HAVCR1: variants seen among roughly 807,000 people sequenced by gnomAD.
HAVCR1 encodes the protein T cell immunoglobin domain and mucin domain protein 1.
In HAVCR1, 34 loss-of-function variants were observed where a neutral mutation model predicts 32.0. That is an observed-to-expected ratio of 1.06 (90% CI 0.81 to 1.42). The LOEUF (loss-of-function observed/expected upper bound fraction) is 1.42, where lower values mean the gene tolerates loss of function less well. Among genes scored for constraint, HAVCR1 ranks in the 40% most tolerant of loss-of-function variants. The probability of loss-of-function intolerance (pLI) is 0.00; values close to 1 mark genes in which losing one functional copy is unlikely to be tolerated. For synonymous variants in HAVCR1, 178 were observed against 170.3 expected, an observed-to-expected ratio of 1.05 and a Z score of -0.35; for missense variants, 420 against 442.3, an observed-to-expected ratio of 0.95 and a Z score of 0.45.
intron 7 of HAVCR1, 158 bp downstream of exon 7, chr5:157,037,089 A>G: frequency 1.6e-6 from 1 of 637,090 alleles, no homozygotes; most frequent in South Asian, 1.8e-5. Flanking sequence ...TTCCCCCTTG[A>G]GGTAGATGGT....
chr5:157,058,791 A>T (rs1372974719), intron 1 of HAVCR1, 130 bp downstream of exon 1: 1 of 152,180 alleles, frequency 6.6e-6, no homozygotes, highest in Non-Finnish European at 1.5e-5. Context: ...TTAGCAAGAG[A>T]AATTGAGAGT....
chr5:157,045,350 C>T (rs1423699970), intron 5 of HAVCR1, among the ~76,000 whole-genome samples: 1 of 152,064 alleles, frequency 6.6e-6, no homozygotes, highest in African/African-American at 2.4e-5. Flanking sequence ...TAGTACACAG[C>T]CCATCAAGTT....
chr5:157,063,019 C>A (rs1756521098), upstream of HAVCR1, among the ~76,000 whole-genome samples: 2 of 151,088 alleles, frequency 1.3e-5, no homozygotes, highest in Admixed American at 1.3e-4. Flanking sequence ...ACTAGGGAGG[C>A]TGAGGCAAGA....
At chr5:157,030,738 G>T (rs910183338) in intron 8 of HAVCR1, among the ~76,000 whole-genome samples, 1 of 152,202 alleles carries the variant, frequency 6.6e-6, no homozygotes, top group Non-Finnish European at 1.5e-5. Flanking sequence ...GATGTAACTG[G>T]TTATTTTTAT....
At chr5:157,053,108 T>C (rs1233315467) in intron 3 of HAVCR1, among the ~76,000 whole-genome samples, 1 of 152,098 alleles carries the variant, frequency 6.6e-6, no homozygotes, top group Non-Finnish European at 1.5e-5. Flanking sequence ...TTGTAGAGAC[T>C]GGGCGTGGTG....
chr5:157,065,840 G>A, the HAVCR1 span, among the ~76,000 whole-genome samples: 11 of 148,352 alleles, frequency 7.4e-5, no homozygotes, highest in Non-Finnish European at 1.3e-4. Context: ...GAGTGACAGA[G>A]CAAGACTCCG....
At chr5:157,053,100 G>A (rs1471135141) in intron 3 of HAVCR1, among the ~76,000 whole-genome samples, 1 of 152,086 alleles carries the variant, frequency 6.6e-6, no homozygotes, top group African/African-American at 2.4e-5. Flanking sequence ...AACTTTTTTT[G>A]TAGAGACTGG....
chr5:157,040,008 C>T (rs573143556), intron 6 of HAVCR1, among the ~76,000 whole-genome samples: 1 of 152,250 alleles, frequency 6.6e-6, no homozygotes, highest in African/African-American at 2.4e-5. Flanking sequence ...CCAAGAATAA[C>T]CTCACCGGCC....
intron 5 of HAVCR1, among the ~76,000 whole-genome samples, chr5:157,044,932 T>C (rs1372080170): frequency 6.6e-6 from 1 of 152,104 alleles, no homozygotes; most frequent in African/African-American, 2.4e-5. Flanking sequence ...GTTATGTATG[T>C]ATGTATAGGT....
At chr5:157,041,643 C>G (rs7715467) in intron 6 of HAVCR1, among the ~76,000 whole-genome samples, 134,033 of 152,278 alleles carry the variant, frequency 0.88, 59,098 homozygotes, top group East Asian at 0.99. Context: ...TATTATGTTC[C>G]TTTCACTTAC....
chr5:157,063,132 AGAAAG>A (rs539237745), upstream of HAVCR1, among the ~76,000 whole-genome samples: 893 of 138,238 alleles, frequency 6.5e-3, 11 homozygotes, highest in Admixed American at 0.011. Context: ...AAAAAAAAAA[AGAAAG>A]AAAGAAAGAA....
chr5:157,039,050 G>A (rs1005349807), intron 6 of HAVCR1, among the ~76,000 whole-genome samples: 1 of 152,160 alleles, frequency 6.6e-6, no homozygotes, highest in Admixed American at 6.5e-5. Context: ...AGCCTGGGAG[G>A]ATGAGTCTGC....
intron 5 of HAVCR1, among the ~76,000 whole-genome samples, chr5:157,045,466 T>C (rs1561592474): frequency 6.6e-6 from 1 of 152,110 alleles, no homozygotes; most frequent in Non-Finnish European, 1.5e-5. Context: ...TACTATGCAA[T>C]GCACTTTCCA....
rs774921639 is a variant in HAVCR1 at position 157,029,594 on chromosome 5, A to T, written c.*139T>A. ...TTGGAGTGAGAGAGTTACTCTACCCAGTATCACTGACATGTTGGAATGCCA... is the reference window on the plus strand; with the variant it reads ...TTGGAGTGAGAGAGTTACTCTACCCTGTATCACTGACATGTTGGAATGCCA... On this transcript the variant is annotated 3_prime_UTR_variant, in exon 9 of 9. Coordinates refer to ENST00000523175, the MANE Select transcript of HAVCR1 (RefSeq NM_001173393.3). The T allele has an allele frequency of 2.6e-5, 40 of 1,538,942 alleles. No individual in the cohort carries two copies. In the East Asian group the frequency reaches 9.3e-4, roughly 36 times the overall value.
chr5:157,029,602 T>A lies in HAVCR1; in HGVS notation c.*131A>T. 1.3e-6 allele frequency: 2 copies of A among 1,541,874 alleles called. No homozygotes were observed. Among genetic ancestry groups the A allele is most frequent in the Middle Eastern group, 3.3e-4 (2 of 5,988 alleles). On this transcript the variant is annotated 3_prime_UTR_variant, in exon 9 of 9. Transcript: ENST00000523175. ...AGAGAGTTACTCTACCCAGTATCAC[T>A]GACATGTTGGAATGCCAGATGAAAC...
At chr5:157,043,726 AC>A (rs1488445706) in intron 5 of HAVCR1, among the ~76,000 whole-genome samples, 1 of 152,192 alleles carries the variant, frequency 6.6e-6, no homozygotes, top group Non-Finnish European at 1.5e-5. Flanking sequence ...TACAGAACTG[AC>A]TTTTTACTGA....
chr5:157,054,190 C>CAAAAAAAAAAAAAAAAAA (rs900551230), intron 3 of HAVCR1, among the ~76,000 whole-genome samples: 1 of 42,210 alleles, frequency 2.4e-5, no homozygotes. Flanking sequence ...GACTCCATCT[C>CAAAAAAAAAAAAAAAAAA]AAAAAAAAAA....
At chr5:157,057,674 T>C (rs1211762308) in intron 2 of HAVCR1, among the ~76,000 whole-genome samples, 1 of 152,236 alleles carries the variant, frequency 6.6e-6, no homozygotes, top group Non-Finnish European at 1.5e-5. Context: ...TCTTGCCTTG[T>C]TCATTTAGCC....
intron 8 of HAVCR1, among the ~76,000 whole-genome samples, chr5:157,031,599 G>A (rs907168830): frequency 1.3e-5 from 2 of 151,966 alleles, no homozygotes; most frequent in African/African-American, 2.4e-5. Context: ...CAAGGTAGGC[G>A]GATCACCTGA....
Sources: allele counts gnomAD v4.1 joint callset (sites outside exome capture counted in the v4.1 genomes callset), GRCh38; gene constraint gnomAD v4.1.1; transcripts MANE v1.5; gene names NCBI Gene and HGNC (gene_info 2026-07-23, HGNC 2026-07-21).